UTS2: variants seen among roughly 807,000 people sequenced by gnomAD.
UTS2 encodes urotensin-2.
UTS2 carries 10 observed loss-of-function variants against 12.6 expected under a neutral mutation model. The observed-to-expected ratio is 0.80, with a 90% CI of 0.49 to 1.35. The LOEUF is 1.35. Among genes scored for constraint, UTS2 ranks in the 40% most tolerant of loss-of-function variants. UTS2 has a pLI of 0.00. For synonymous variants in UTS2, 52 were observed against 50.0 expected (o/e 1.04, Z -0.17); for missense variants, 142 against 143.2 (o/e 0.99, Z 0.04).
the UTS2 span, among the ~76,000 whole-genome samples, chr1:7,909,113 G>A: frequency 2.6e-5 from 4 of 152,142 alleles, no homozygotes; most frequent in Non-Finnish European, 2.9e-5. Flanking sequence ...CTTACATTGC[G>A]GAAAGACCTG....
At chr1:7,873,150 A>AG in the UTS2 span, among the ~76,000 whole-genome samples, 2 of 152,228 alleles carry the variant, frequency 1.3e-5, no homozygotes, top group Non-Finnish European at 2.9e-5. Context: ...TCTAAAAAAA[A>AG]TTTCTTCAAA....
the UTS2 span, among the ~76,000 whole-genome samples, chr1:7,902,753 G>A: frequency 1.3e-5 from 2 of 152,078 alleles, no homozygotes; most frequent in African/African-American, 4.8e-5. Context: ...TTAATTAGGC[G>A]GCACGTTAGC....
At chr1:7,869,775 C>G in the UTS2 span, among the ~76,000 whole-genome samples, 2 of 152,238 alleles carry the variant, frequency 1.3e-5, no homozygotes, top group Non-Finnish European at 2.9e-5. Context: ...GCTTATTGAT[C>G]TGATTCATCC....
At chr1:7,847,978 C>T (rs1211267234) in intron 3 of UTS2, 96 bp from the exon 4 acceptor site, 5 of 846,300 alleles carry the variant, frequency 5.9e-6, no homozygotes, top group Non-Finnish European at 9.4e-6. Context: ...TGAGTCAAGA[C>T]ACTGGACTTC....
the UTS2 span, among the ~76,000 whole-genome samples, chr1:7,905,147 CTTTTTTT>C: frequency 1.1e-4 from 15 of 136,468 alleles, no homozygotes; most frequent in African/African-American, 3.6e-4. Flanking sequence ...TTTCTTTTTT[CTTTTTTT>C]TTTTTTTGAG....
At chr1:7,864,203 T>A in the UTS2 span, among the ~76,000 whole-genome samples, 4 of 152,118 alleles carry the variant, frequency 2.6e-5, no homozygotes, top group Admixed American at 2.6e-4. Context: ...AAGTCCCAGA[T>A]CAAGGTGTCG....
At chr1:7,869,917 A>G in the UTS2 span, among the ~76,000 whole-genome samples, 112 of 152,336 alleles carry the variant, frequency 7.4e-4, no homozygotes, top group African/African-American at 2.5e-3. Context: ...GTTACTGAGA[A>G]CATTAATTGC....
At chr1:7,853,157 G>C (rs1263314312), upstream of UTS2, 1 of 1,484,324 alleles carries the variant, frequency 6.7e-7, no homozygotes, top group East Asian at 2.4e-5. Flanking sequence ...TATTGGCTAT[G>C]GAGGCTAAAA....
the UTS2 span, among the ~76,000 whole-genome samples, chr1:7,890,302 T>C: frequency 6.6e-6 from 1 of 152,178 alleles, no homozygotes; most frequent in Non-Finnish European, 1.5e-5. Flanking sequence ...TTGACTTAAC[T>C]GCCGTGGGCT....
At chr1:7,866,991 TCC>T in the UTS2 span, among the ~76,000 whole-genome samples, 1 of 152,186 alleles carries the variant, frequency 6.6e-6, no homozygotes, top group Non-Finnish European at 1.5e-5. The surrounding 1 kb of genome is among the most constrained non-coding windows in gnomAD (Gnocchi z 4.5). Flanking sequence ...TGCCTCAGCC[TCC>T]CAAGTAGCTG....
chr1:7,853,560 A>C (rs1578028635), upstream of UTS2: 1 of 1,320,010 alleles, frequency 7.6e-7, no homozygotes, highest in East Asian at 2.3e-5. Flanking sequence ...AAAAGTTAAA[A>C]TACATAGCAA....
At chr1:7,850,758 G>A in intron 2 of UTS2, 54 bp downstream of exon 2, 1 of 1,554,368 alleles carries the variant, frequency 6.4e-7, no homozygotes, top group Non-Finnish European at 8.9e-7. Flanking sequence ...AGGACAGACG[G>A]TAAGTTCAGT....
upstream of UTS2, among the ~76,000 whole-genome samples, chr1:7,854,997 C>A (rs1320366206): frequency 6.6e-6 from 1 of 151,964 alleles, no homozygotes; most frequent in African/African-American, 2.4e-5. Context: ...CCTGTCTCCA[C>A]TAAAAATACA....
the UTS2 span, among the ~76,000 whole-genome samples, chr1:7,864,375 CCTGT>C: frequency 6.1e-4 from 93 of 152,298 alleles, no homozygotes; most frequent in African/African-American, 2.1e-3. Flanking sequence ...CCCTCTCCCT[CCTGT>C]CTCTCAATCC....
chr1:7,882,987 T>G, the UTS2 span, among the ~76,000 whole-genome samples: 1 of 152,182 alleles, frequency 6.6e-6, no homozygotes, highest in Non-Finnish European at 1.5e-5. Context: ...GCAGCCATTA[T>G]GGAAAACAGT....
the UTS2 span, among the ~76,000 whole-genome samples, chr1:7,860,603 T>C: frequency 6.6e-6 from 1 of 152,094 alleles, no homozygotes; most frequent in Non-Finnish European, 1.5e-5. Context: ...AGGGCCTCAC[T>C]CTGTTGCCCA....
chr1:7,860,357 G>A, the UTS2 span, among the ~76,000 whole-genome samples: 1 of 152,098 alleles, frequency 6.6e-6, no homozygotes, highest in Non-Finnish European at 1.5e-5. Flanking sequence ...AGGCCCTGGG[G>A]TGGGACTGTA....
chr1:7,869,399 T>C, the UTS2 span, among the ~76,000 whole-genome samples: 13 of 152,304 alleles, frequency 8.5e-5, no homozygotes, highest in African/African-American at 3.1e-4. Context: ...ACCACATGGC[T>C]CTGCGCATGC....
chr1:7,896,587 T>A, the UTS2 span, among the ~76,000 whole-genome samples: 1 of 152,106 alleles, frequency 6.6e-6, no homozygotes, highest in Non-Finnish European at 1.5e-5. Flanking sequence ...TATGTAAAAA[T>A]TTTTATAATA....
Sources: allele counts gnomAD v4.1 joint callset (sites outside exome capture counted in the v4.1 genomes callset), GRCh38; gene constraint gnomAD v4.1.1; non-coding constraint Gnocchi (gnomAD v3.1); transcripts MANE v1.5; gene names NCBI Gene and HGNC (gene_info 2026-07-23, HGNC 2026-07-21).